GALNT13: variants seen among roughly 807,000 people sequenced by gnomAD.
The protein encoded by GALNT13 is polypeptide N-acetylgalactosaminyltransferase 13, also known as UDP-GalNAc:polypeptide N-acetylgalactosaminyltransferase 13.
In GALNT13, 28 loss-of-function variants were observed where a neutral mutation model predicts 64.2. That is an observed-to-expected ratio of 0.44 (90% CI 0.32 to 0.60). GALNT13 has a LOEUF of 0.60. GALNT13 is among the 20% of genes least tolerant of loss of function. GALNT13 has a pLI of 0.05. For missense variants in GALNT13, 577 were observed against 669.8 expected (o/e 0.86, Z 1.53); for synonymous variants, 214 against 224.6 (o/e 0.95, Z 0.42).
chr2:154,136,488 A>C (rs912820005), intron 3 of GALNT13, among the ~76,000 whole-genome samples: 2 of 152,146 alleles, frequency 1.3e-5, no homozygotes, highest in Admixed American at 6.6e-5. Flanking sequence ...TTCTGCAAAT[A>C]AGAAAATGTT....
chr2:153,104,299 G>A, the GALNT13 span, among the ~76,000 whole-genome samples: 1 of 152,148 alleles, frequency 6.6e-6, no homozygotes, highest in Non-Finnish European at 1.5e-5. Context: ...ACAGTTCACA[G>A]TCTAGATACA....
At chr2:153,521,709 C>T in the GALNT13 span, among the ~76,000 whole-genome samples, 1 of 152,202 alleles carries the variant, frequency 6.6e-6, no homozygotes, top group African/African-American at 2.4e-5. Context: ...TCCTCTCTCC[C>T]TCTACTCCTG....
At chr2:154,210,403 C>T (rs893691288) in intron 4 of GALNT13, among the ~76,000 whole-genome samples, 1 of 152,046 alleles carries the variant, frequency 6.6e-6, no homozygotes, top group African/African-American at 2.4e-5. Context: ...TTTTGAGAAA[C>T]CTTTATACAG....
At chr2:153,566,348 G>GTTTTTTTTTTTTTTTTTTTTT in the GALNT13 span, among the ~76,000 whole-genome samples, 92 of 74,768 alleles carry the variant, frequency 1.2e-3, 5 homozygotes, top group East Asian at 4.7e-3. Flanking sequence ...TTCTAATCAC[G>GTTTTTTTTTTTTTTTTTTTTT]TTTTTTTTTT....
intron 6 of GALNT13, among the ~76,000 whole-genome samples, chr2:154,245,338 C>G (rs190044180): frequency 2.5e-4 from 38 of 152,038 alleles, no homozygotes; most frequent in African/African-American, 8.0e-4. Context: ...GTTTGTTTTT[C>G]CTAGTAGGTG....
At chr2:153,794,935 T>C in the GALNT13 span, among the ~76,000 whole-genome samples, 2 of 152,206 alleles carry the variant, frequency 1.3e-5, no homozygotes, top group African/African-American at 4.8e-5. Context: ...TAAAGAAATA[T>C]TTTATAGACA....
At chr2:153,257,561 G>T in the GALNT13 span, among the ~76,000 whole-genome samples, 1 of 152,116 alleles carries the variant, frequency 6.6e-6, no homozygotes, top group Admixed American at 6.6e-5. Context: ...TCAAATAGAA[G>T]ACTGAAATAA....
intron 3 of GALNT13, among the ~76,000 whole-genome samples, chr2:154,126,100 C>G (rs1218433743): frequency 6.6e-6 from 1 of 152,080 alleles, no homozygotes; most frequent in Non-Finnish European, 1.5e-5. Flanking sequence ...TTACTGAAGA[C>G]ACAAAGCCAA....
At chr2:153,382,880 T>A in the GALNT13 span, among the ~76,000 whole-genome samples, 1 of 152,122 alleles carries the variant, frequency 6.6e-6, no homozygotes, top group Admixed American at 6.6e-5. Flanking sequence ...ATCTGAAGTA[T>A]AATAGATTAT....
rs187214207 is a variant in GALNT13 at position 154,189,160 on chromosome 2, A to G, written c.311+48655A>G. On this transcript the variant is annotated intron_variant, in intron 4 of 12. Transcript: ENST00000392825. ...ACTAGTGTATAGAGATGGAATGGAG[A>G]TGCTTTTAATGTTCTTATTCATATA... Among the ~76,000 whole-genome samples the G allele has an allele frequency of 5.5e-3, 832 of 152,304 alleles. 4 individuals carry two copies. Among genetic ancestry groups the G allele is most frequent in the Non-Finnish European group, 9.8e-3 (664 of 68,024 alleles).
At chr2:153,820,361 T>C in the GALNT13 span, among the ~76,000 whole-genome samples, 1 of 152,038 alleles carries the variant, frequency 6.6e-6, no homozygotes, top group East Asian at 1.9e-4. Flanking sequence ...GAGATAGACA[T>C]CAAGATACAA....
At chr2:153,744,163 A>G in the GALNT13 span, among the ~76,000 whole-genome samples, 2 of 152,146 alleles carry the variant, frequency 1.3e-5, no homozygotes, top group Non-Finnish European at 2.9e-5. Context: ...TATTCAATAT[A>G]CTGATTTTCT....
chr2:154,153,755 C>A (rs10210643), intron 4 of GALNT13, among the ~76,000 whole-genome samples: 7,523 of 152,310 alleles, frequency 0.049, 365 homozygotes, highest in African/African-American at 0.12. Flanking sequence ...ATATAATCTC[C>A]TGGTGTGCCG....
At chr2:154,124,407 T>C (rs1345144837) in intron 3 of GALNT13, among the ~76,000 whole-genome samples, 1 of 152,068 alleles carries the variant, frequency 6.6e-6, no homozygotes, top group Non-Finnish European at 1.5e-5. Flanking sequence ...TGTTTTATAT[T>C]TTGTTATAGA....
chr2:153,297,051 AC>A, the GALNT13 span, among the ~76,000 whole-genome samples: 1 of 152,228 alleles, frequency 6.6e-6, no homozygotes, highest in African/African-American at 2.4e-5. Flanking sequence ...AGAATTCCTA[AC>A]AAAGCAATCA....
At chr2:154,038,254 A>G (rs1698777714) in intron 3 of GALNT13, among the ~76,000 whole-genome samples, 1 of 152,190 alleles carries the variant, frequency 6.6e-6, no homozygotes, top group Non-Finnish European at 1.5e-5. Flanking sequence ...GACATTTTTC[A>G]CAGAATTAGA....
chr2:153,983,001 A>T (rs1193915507), intron 3 of GALNT13, among the ~76,000 whole-genome samples: 3 of 151,978 alleles, frequency 2.0e-5, no homozygotes, highest in Non-Finnish European at 4.4e-5. Flanking sequence ...TGAAACAAGA[A>T]CTATTTTTAT....
chr2:154,354,615 CACT>C (rs1237201972), intron 9 of GALNT13, among the ~76,000 whole-genome samples: 1 of 103,592 alleles, frequency 9.7e-6, no homozygotes, highest in African/African-American at 3.3e-5. Context: ...GGTTCAATCT[CACT>C]TTTTTTTTTT....
intron 3 of GALNT13, among the ~76,000 whole-genome samples, chr2:154,116,870 T>C (rs963352085): frequency 2.0e-5 from 3 of 152,132 alleles, no homozygotes; most frequent in Non-Finnish European, 4.4e-5. Flanking sequence ...CAGTGTTCTC[T>C]AGAGGAAAAG....
Sources: allele counts gnomAD v4.1 joint callset (sites outside exome capture counted in the v4.1 genomes callset), GRCh38; gene constraint gnomAD v4.1.1; transcripts MANE v1.5; gene names NCBI Gene and HGNC (gene_info 2026-07-23, HGNC 2026-07-21).